Variants in IGLON5 observed in about 807,000 individuals in gnomAD.
IGLON5 encodes IgLON family member 5.
A neutral mutation model predicts 38.2 loss-of-function variants in IGLON5; 16 were observed. The observed-to-expected ratio is 0.42, with a 90% CI of 0.28 to 0.64. The LOEUF (loss-of-function observed/expected upper bound fraction) is 0.64, where lower values mean the gene tolerates loss of function less well. Among genes scored for constraint, IGLON5 ranks in the 30% least tolerant of loss-of-function variants. IGLON5 has a pLI of 0.23. For synonymous variants in IGLON5, 207 were observed against 216.4 expected, an observed-to-expected ratio of 0.96 and a Z score of 0.38; for missense variants, 366 against 483.4, an observed-to-expected ratio of 0.76 and a Z score of 2.28.
At position 51,327,344 on chromosome 19, in the gene IGLON5, G is replaced by T; in HGVS notation, c.767+144G>T. ...CTGGGGCGTCCAGCTTCTAGGTGAT[G>T]GGATCTGTCCAGCCCCGGAGACAAG... On this transcript the variant is annotated intron_variant, in intron 6 of 7. Transcript: ENST00000270642. The surrounding 1 kb of genome is among the most constrained non-coding windows in gnomAD (Gnocchi z 7.1). 1 of 1,176,124 alleles carries T rather than the reference G, an allele frequency of 8.5e-7. No individual in the cohort carries two copies. The highest frequency in any genetic ancestry group is 2.4e-5 in the East Asian group (1 of 41,034). 72.9% of individuals were successfully genotyped at this position (1,176,124 alleles called of 1,614,324 possible).
At chr19:51,323,049 C>A (rs964823679) in intron 2 of IGLON5, among the ~76,000 whole-genome samples, 1 of 148,786 alleles carries the variant, frequency 6.7e-6, no homozygotes, top group African/African-American at 2.5e-5. Context: ...CTCTCTGGGT[C>A]TTTGTCTCTT....
chr19:51,318,725 ACT>A (rs3077028), intron 1 of IGLON5, among the ~76,000 whole-genome samples: 94,416 of 151,694 alleles, frequency 0.62, 29,921 homozygotes, highest in African/African-American at 0.73. Context: ...ACAGAGCGAG[ACT>A]CTGTCTCAAA....
intron 5 of IGLON5, 31 bp downstream of exon 5, chr19:51,326,929 G>A (rs1453951350): frequency 1.9e-5 from 30 of 1,572,014 alleles, no homozygotes; most frequent in Non-Finnish European, 2.5e-5. Flanking sequence ...GCACGAAAGG[G>A]TGGCGGACCC....
At chr19:51,312,108 AC>A (rs1984780861) in intron 1 of IGLON5, among the ~76,000 whole-genome samples, 182 bp downstream of exon 1, 1 of 150,928 alleles carries the variant, frequency 6.6e-6, no homozygotes, top group Non-Finnish European at 1.5e-5. Flanking sequence ...GGGACCTCGG[AC>A]GTGGGGGTCC....
chr19:51,328,862 C>A lies in IGLON5; in HGVS notation c.*103C>A. On this transcript the variant is annotated 3_prime_UTR_variant, in exon 8 of 8. Coordinates refer to ENST00000270642, the MANE Select transcript of IGLON5 (RefSeq NM_001101372.3). ...TGGGTCTCGTGGGGGCAGAAGAGCT[C>A]TCGGCCACCAAGGAAGAAGAGAGAG... The A allele has an allele frequency of 1.5e-6, 1 of 687,628 alleles. No homozygotes were observed. The highest frequency in any genetic ancestry group is 2.4e-6 in the Non-Finnish European group (1 of 423,806). 42.6% of individuals were successfully genotyped at this position (687,628 alleles called of 1,614,324 possible). A position where few individuals can be genotyped will look rare whatever the true frequency, so the allele number is the denominator to read the frequency against.
rs1404854348 is a variant in IGLON5 at position 51,328,820 on chromosome 19, C to G, written c.*61C>G. The stretch of plus-strand genomic sequence containing the variant: ...GGCCTCAGGCCAAGAGTGAGAGAAA[C>G]GGGGGAGCAAGAGCCGTGGGTCTCG... On this transcript the variant is annotated 3_prime_UTR_variant, in exon 8 of 8. Coordinates refer to ENST00000270642, the MANE Select transcript of IGLON5 (RefSeq NM_001101372.3). 5 of 1,269,672 alleles carry G rather than the reference C, an allele frequency of 3.9e-6. No individual in the cohort carries two copies. The highest frequency in any genetic ancestry group is 5.5e-5 in the East Asian group (2 of 36,688). 78.7% of individuals were successfully genotyped at this position (1,269,672 alleles called of 1,614,324 possible). A position where few individuals can be genotyped will look rare whatever the true frequency, so the allele number is the denominator to read the frequency against.
At position 51,327,612 on chromosome 19, in the gene IGLON5, C is replaced by A; in HGVS notation, c.768-120C>A. Reference sequence around the variant, plus strand: ...GTACATGAGGTGCTAGAACCCGAGGCGATGGGTCACTGGGGTAGGGGGCAG... The same window carrying A: ...GTACATGAGGTGCTAGAACCCGAGGAGATGGGTCACTGGGGTAGGGGGCAG... On this transcript the variant is annotated intron_variant, in intron 6 of 7. Coordinates refer to ENST00000270642, the MANE Select transcript of IGLON5 (RefSeq NM_001101372.3). This position sits in a 1 kb window ranked among gnomAD's most constrained non-coding sequence, Gnocchi z 7.1. 1.4e-6 allele frequency: 2 copies of A among 1,388,102 alleles called. No homozygotes were observed. Among genetic ancestry groups the A allele is most frequent in the South Asian group, 1.3e-5 (1 of 74,360 alleles). 86.0% of individuals were successfully genotyped at this position (1,388,102 alleles called of 1,614,324 possible). A position where few individuals can be genotyped will look rare whatever the true frequency, so the allele number is the denominator to read the frequency against.
In IGLON5 at chr19:51,327,738, C is replaced by G. The variant is rs368425289; in HGVS notation, c.774C>G (p.Ser258Arg). 7.0e-5 allele frequency: 110 copies of G among 1,572,460 alleles called. No homozygotes were observed. The African/African-American group carries it at 1.1e-3, about 15-fold the overall frequency. ...TGACCCGGATCCCTGGCAGGCTGAG[C>G]AGCGGCACGGCCGAAGGCCTGAAGG... ...FQWYKDDRLL[S>R]SGTAEGLKVQ... Residue 258 changes from serine to arginine, a missense_variant, in exon 7 of 8, where the codon AGC becomes AGG. Ser to Arg is a moderately radical substitution (Grantham distance 110). Coordinates refer to ENST00000270642, the MANE Select transcript of IGLON5 (RefSeq NM_001101372.3). This position sits in a 1 kb window ranked among gnomAD's most constrained non-coding sequence, Gnocchi z 7.1.
In IGLON5 at chr19:51,328,636, C is replaced by T. The variant is rs367928287; in HGVS notation, c.923-35C>T. 9.5e-5 allele frequency: 134 copies of T among 1,415,786 alleles called. 1 individual carries two copies. The South Asian group carries it at 1.5e-3, about 16-fold the overall frequency. 87.7% of individuals were successfully genotyped at this position (1,415,786 alleles called of 1,614,324 possible). ...AGACACACATGGGGTTCCCCACTCTCAGGCCTCCCTCCATGACCCCTTCTC... is the reference window on the plus strand; with the variant it reads ...AGACACACATGGGGTTCCCCACTCTTAGGCCTCCCTCCATGACCCCTTCTC... On this transcript the variant is annotated intron_variant, in intron 7 of 7. Coordinates refer to ENST00000270642, the MANE Select transcript of IGLON5 (RefSeq NM_001101372.3).
chr19:51,328,820 CGG>C lies in IGLON5; in HGVS notation c.*65_*66del. 11 of 1,269,792 alleles carry C rather than the reference CGG, an allele frequency of 8.7e-6. No individual in the cohort carries two copies. The highest frequency in any genetic ancestry group is 1.2e-5 in the Non-Finnish European group (11 of 922,750). 78.7% of individuals were successfully genotyped at this position (1,269,792 alleles called of 1,614,324 possible). On this transcript the variant is annotated 3_prime_UTR_variant, in exon 8 of 8. Coordinates refer to ENST00000270642, the MANE Select transcript of IGLON5 (RefSeq NM_001101372.3). ...GGCCTCAGGCCAAGAGTGAGAGAAACGGGGGAGCAAGAGCCGTGGGTCTCGTG... is the reference window on the plus strand; with the variant it reads ...GGCCTCAGGCCAAGAGTGAGAGAAACGGGAGCAAGAGCCGTGGGTCTCGTG...
Position 51,327,015 on chromosome 19 carries a change from C to G in IGLON5, c.647-65C>G. The G allele has an allele frequency of 6.3e-7, 1 of 1,595,690 alleles. No homozygotes were observed. The highest frequency in any genetic ancestry group is 1.1e-5 in the South Asian group (1 of 89,888). ...CTTACGGGCCTGAGGGAGGCGGGGG[C>G]TGGGGGCGGGACCCCTTCGTCCCCA... On this transcript the variant is annotated intron_variant, in intron 5 of 7. Transcript: ENST00000270642. The surrounding 1 kb of genome is among the most constrained non-coding windows in gnomAD (Gnocchi z 7.1).
chr19:51,317,881 G>A (rs779185100), intron 1 of IGLON5, among the ~76,000 whole-genome samples: 35 of 152,216 alleles, frequency 2.3e-4, no homozygotes, highest in Non-Finnish European at 4.7e-4. Flanking sequence ...CTGGCCAGGA[G>A]TGGGGGTCAT....
At position 51,325,861 on chromosome 19, in the gene IGLON5, G is replaced by A. The variant is rs529005116; in HGVS notation, c.511+396G>A. On this transcript the variant is annotated intron_variant, in intron 4 of 7. Transcript: ENST00000270642. This position sits in a 1 kb window ranked among gnomAD's most constrained non-coding sequence, Gnocchi z 5.5. The stretch of plus-strand genomic sequence containing the variant: ...TCTCTGCCTCTCTCTTCTGCTGGAC[G>A]CTCTAGCCCAGCGGGCCTCATGGTG... 6.6e-6 allele frequency among the ~76,000 whole-genome samples: 1 copy of A among 152,122 alleles called. No homozygotes were observed. The highest frequency in any genetic ancestry group is 2.1e-4 in the South Asian group (1 of 4,810).
intron 2 of IGLON5, 122 bp downstream of exon 2, chr19:51,322,264 A>G: frequency 1.3e-6 from 1 of 774,706 alleles, no homozygotes; most frequent in Non-Finnish European, 2.2e-6. Flanking sequence ...TGGGCTCCAC[A>G]TTCCCCCTCA....
Position 51,327,893 on chromosome 19 carries a change from C to T in IGLON5, c.922+7C>T. 2 of 1,449,520 alleles carry T rather than the reference C, an allele frequency of 1.4e-6. No individual in the cohort carries two copies. Among genetic ancestry groups the T allele is most frequent in the South Asian group, 2.6e-5 (2 of 76,144 alleles). The allele number at this position is 1,449,520 out of a possible 1,614,324, so 89.8% of individuals were successfully genotyped here. The stretch of plus-strand genomic sequence containing the variant: ...GCCTCCATGCGGCTCCTGCGTGCGT[C>T]TTCGGGCGGGGCGGGGCCGGGAAGG... On this transcript the variant is annotated splice_region_variant and intron_variant, in intron 7 of 7. Transcript: ENST00000270642. This position sits in a 1 kb window ranked among gnomAD's most constrained non-coding sequence, Gnocchi z 7.1.
intron 2 of IGLON5, among the ~76,000 whole-genome samples, chr19:51,323,135 T>C (rs1188563965): frequency 6.7e-6 from 1 of 150,360 alleles, no homozygotes; most frequent in Non-Finnish European, 1.5e-5. Flanking sequence ...CCTCTCTTTC[T>C]GGGTCTCTAT....
rs1338457248 is a variant in IGLON5 at position 51,325,743 on chromosome 19, G to A, written c.511+278G>A. On this transcript the variant is annotated intron_variant, in intron 4 of 7. Coordinates refer to ENST00000270642, the MANE Select transcript of IGLON5 (RefSeq NM_001101372.3). The surrounding 1 kb of genome is among the most constrained non-coding windows in gnomAD (Gnocchi z 5.5). ...TCACTTCCCCAACCCCAGTGTCCCC[G>A]ATGTCTCCCCACGCGCTCACAGCAT... Among the ~76,000 whole-genome samples, 2 of 152,024 alleles carry A rather than the reference G, an allele frequency of 1.3e-5. No homozygotes were observed. The highest frequency in any genetic ancestry group is 2.4e-5 in the African/African-American group (1 of 41,374).
rs555980017 is a variant in IGLON5, at chr19:51,324,917, C to G, written c.392-429C>G. ...AAAGCACTTAGAATAGCATCTGTTA[C>G]ACAGAAAGTCCCATGTGGGTATTTG... On this transcript the variant is annotated intron_variant, in intron 3 of 7. Coordinates refer to ENST00000270642, the MANE Select transcript of IGLON5 (RefSeq NM_001101372.3). This position sits in a 1 kb window ranked among gnomAD's most constrained non-coding sequence, Gnocchi z 4.2. Among the ~76,000 whole-genome samples the G allele has an allele frequency of 2.0e-5, 3 of 151,716 alleles. No homozygotes were observed. The highest frequency in any genetic ancestry group is 7.3e-5 in the African/African-American group (3 of 41,312).
chr19:51,328,791 AG>A lies in IGLON5; in HGVS notation c.*37del. ...CCCAGTGGAGCTCACCTCCCCCTGCAGGGGGCCTCAGGCCAAGAGTGAGAGA... is the reference window on the plus strand; with the variant it reads ...CCCAGTGGAGCTCACCTCCCCCTGCAGGGGCCTCAGGCCAAGAGTGAGAGA... On this transcript the variant is annotated 3_prime_UTR_variant, in exon 8 of 8. Transcript: ENST00000270642. 1 of 1,500,256 alleles carries A rather than the reference AG, an allele frequency of 6.7e-7. No individual in the cohort carries two copies. The highest frequency in any genetic ancestry group is 9.0e-7 in the Non-Finnish European group (1 of 1,106,672). 92.9% of individuals were successfully genotyped at this position (1,500,256 alleles called of 1,614,324 possible).
Sources: gnomAD v4.1 joint callset for allele counts (sites outside exome capture counted in the v4.1 genomes callset) on GRCh38, gnomAD v4.1.1 for gene constraint, Gnocchi (gnomAD v3.1) non-coding constraint, MANE v1.5 for transcripts, NCBI Gene and HGNC (gene_info 2026-07-23, HGNC 2026-07-21) for gene names.